Variants in ZNF845 observed in about 807,000 individuals in gnomAD.
The protein encoded by ZNF845 is zinc finger protein 845.
ZNF845 carries 59 observed loss-of-function variants against 76.1 expected under a neutral mutation model. That is an observed-to-expected ratio of 0.78 (90% CI 0.63 to 0.96). The LOEUF is 0.96. ZNF845 is among the 40% of genes least tolerant of loss of function. ZNF845 has a pLI of 0.00. For missense variants in ZNF845, 1,045 were observed against 1,172.8 expected, an observed-to-expected ratio of 0.89 and a Z score of 1.59; for synonymous variants, 361 against 386.9, an observed-to-expected ratio of 0.93 and a Z score of 0.78.
intron 3 of ZNF845, among the ~76,000 whole-genome samples, chr19:53,350,557 T>G (rs188461407): frequency 4.6e-5 from 7 of 152,348 alleles, no homozygotes; most frequent in Admixed American, 6.5e-5. Flanking sequence ...GGAAAAATAC[T>G]CCTTACTTTA....
At chr19:53,345,855 G>GTT (rs374069306) in intron 3 of ZNF845, among the ~76,000 whole-genome samples, 24 of 135,434 alleles carry the variant, frequency 1.8e-4, no homozygotes, top group Non-Finnish European at 2.3e-4. Context: ...TACTTTTTTA[G>GTT]TTTTTTTTTT....
At chr19:53,340,881 T>C (rs901854409) in intron 1 of ZNF845, 11 of 382,080 alleles carry the variant, frequency 2.9e-5, no homozygotes, top group East Asian at 2.6e-4. Flanking sequence ...AAGGCGTTCA[T>C]GTGGGCTGTC....
chr19:53,351,986 A>T lies in ZNF845; in HGVS notation c.1311A>T (p.Lys437Asn). ...VYHRRLHTGE[K>N]PYKCEECDEA... ...ATCGTAGACTTCATACTGGAGAGAAACCTTACAAATGTGAAGAATGTGATG... is the reference window on the plus strand; with the variant it reads ...ATCGTAGACTTCATACTGGAGAGAATCCTTACAAATGTGAAGAATGTGATG... The change falls in exon 4 of 4, where the codon AAA (lysine) becomes AAT (asparagine). Residue 437 changes from lysine (K) to asparagine (N), a missense_variant. Physicochemically the swap from Lys to Asn is moderately conservative, Grantham distance 94 (BLOSUM62 0). Coordinates refer to ENST00000458035, the MANE Select transcript of ZNF845 (RefSeq NM_138374.3). 6.2e-7 allele frequency: 1 copy of T among 1,614,082 alleles called. No homozygotes were observed.
At chr19:53,346,322 A>G in intron 3 of ZNF845, 1 of 405,882 alleles carries the variant, frequency 2.5e-6, no homozygotes, top group South Asian at 1.7e-5. Flanking sequence ...ATGGAGTCTC[A>G]CTCTGTCGCC....
In ZNF845 at chr19:53,351,543, C is replaced by A; in HGVS notation, c.868C>A (p.His290Asn). The change falls in exon 4 of 4, where the codon CAT becomes AAT. Residue 290 changes from histidine (H) to asparagine (N), a missense_variant. His to Asn is a moderately conservative substitution (Grantham distance 68). Coordinates refer to ENST00000458035, the MANE Select transcript of ZNF845 (RefSeq NM_138374.3). ...TCAGGAGTTAACCCTTACATGCCAT[C>A]ATAGACTTCATACTGGAGAGAAACA... is the stretch of plus-strand genomic sequence containing the variant. ...FSQELTLTCH[H>N]RLHTGEKHYK... The A allele has an allele frequency of 6.2e-7, 1 of 1,614,138 alleles. No homozygotes were observed. Among genetic ancestry groups the A allele is most frequent in the Non-Finnish European group, 8.5e-7 (1 of 1,179,986 alleles).
rs2085347552 is a variant in ZNF845 at position 53,352,478 on chromosome 19, T to C, written c.1803T>C (p.His601=). ...ATTIANHWRI[H]NEERSYKCNR... ...CCATTGCAAATCATTGGAGAATCCA[T>C]AATGAAGAGAGATCGTACAAGTGTA... The change falls in exon 4 of 4, where the codon CAT becomes CAC. Residue 601 remains histidine, a synonymous_variant. Transcript: ENST00000458035. 6.2e-7 allele frequency: 1 copy of C among 1,613,228 alleles called. No homozygotes were observed. The highest frequency in any genetic ancestry group is 8.5e-7 in the Non-Finnish European group (1 of 1,179,504).
intron 3 of ZNF845, chr19:53,346,458 A>G (rs1335792708): frequency 1.5e-5 from 5 of 339,614 alleles, no homozygotes; most frequent in African/African-American, 4.4e-5. Context: ...AGGCAGGCAA[A>G]TCACCTGAGG....
At chr19:53,348,151 A>G (rs1301490089) in intron 3 of ZNF845, among the ~76,000 whole-genome samples, 1 of 152,168 alleles carries the variant, frequency 6.6e-6, no homozygotes, top group Non-Finnish European at 1.5e-5. Flanking sequence ...ACATTGTGCC[A>G]CTTCACTCCA....
At position 53,353,362 on chromosome 19, in the gene ZNF845, T is replaced by G. The variant is rs1387781891; in HGVS notation, c.2687T>G (p.Phe896Cys). 2 of 1,612,740 alleles carry G rather than the reference T, an allele frequency of 1.2e-6. No individual in the cohort carries two copies. The highest frequency in any genetic ancestry group is 2.7e-5 in the African/African-American group (2 of 74,486). Reference sequence around the variant, plus strand: ...AAGTGTAATAAATGTGGTAAGGTTTTTAATCAACAAGCACACCTTGCATGT... The same window carrying G: ...AAGTGTAATAAATGTGGTAAGGTTTGTAATCAACAAGCACACCTTGCATGT... ...PYKCNKCGKV[F>C]NQQAHLACHH... is the part of the protein sequence containing the mutation. Residue 896 changes from phenylalanine (F) to cysteine (C), a missense_variant, in exon 4 of 4, where the codon TTT (phenylalanine) becomes TGT (cysteine). Transcript: ENST00000458035.
chr19:53,350,344 A>G (rs539961878), intron 3 of ZNF845, among the ~76,000 whole-genome samples: 1 of 152,272 alleles, frequency 6.6e-6, no homozygotes, highest in Admixed American at 6.5e-5. Context: ...TGATTGTTTG[A>G]CAATACAGAA....
chr19:53,344,183 TC>T (rs1045065168), intron 2 of ZNF845, among the ~76,000 whole-genome samples: 1 of 152,114 alleles, frequency 6.6e-6, no homozygotes, highest in African/African-American at 2.4e-5. Flanking sequence ...GACGTTGTCA[TC>T]TCTGAAGACA....
chr19:53,350,160 A>G (rs1265660341), intron 3 of ZNF845, among the ~76,000 whole-genome samples: 4 of 40,508 alleles, frequency 9.9e-5, no homozygotes, highest in Admixed American at 4.3e-4. Context: ...TTTTTTCGAG[A>G]TGGACTCTTG....
At chr19:53,344,639 T>TG (rs58727657) in intron 2 of ZNF845, among the ~76,000 whole-genome samples, 3 of 150,670 alleles carry the variant, frequency 2.0e-5, no homozygotes, top group Non-Finnish European at 4.4e-5. Context: ...TTTTATTTTA[T>TG]TTTATTTTGG....
chr19:53,344,462 T>C, intron 2 of ZNF845, among the ~76,000 whole-genome samples: 1 of 152,054 alleles, frequency 6.6e-6, no homozygotes, highest in East Asian at 1.9e-4. Flanking sequence ...CACTTGATCC[T>C]GGGAGGTGGA....
intron 3 of ZNF845, among the ~76,000 whole-genome samples, chr19:53,349,904 G>T (rs2085321878): frequency 6.6e-6 from 1 of 151,996 alleles, no homozygotes; most frequent in South Asian, 2.1e-4. Flanking sequence ...GCATGGTGAT[G>T]CATGCCTTTA....
At position 53,356,759 on chromosome 19, in the gene ZNF845, C is replaced by G. The variant is rs889565914; in HGVS notation, c.*3171C>G. The G allele has an allele frequency of 3.3e-5, 5 of 151,750 alleles. No homozygotes were observed. The highest frequency in any genetic ancestry group is 7.3e-5 in the African/African-American group (3 of 41,276). The allele number at this position is 151,750 out of a possible 1,614,324, so 9.4% of individuals were successfully genotyped here. On this transcript the variant is annotated 3_prime_UTR_variant, in exon 4 of 4. Transcript: ENST00000458035. ...CCTGGCTAACACGGTGAAACCCCGT[C>G]TCTACTAAAAATACAAAAAATTAGC... is the stretch of plus-strand genomic sequence containing the variant.
At chr19:53,339,795 C>A (rs1182466870) in intron 1 of ZNF845, among the ~76,000 whole-genome samples, 1 of 152,202 alleles carries the variant, frequency 6.6e-6, no homozygotes, top group East Asian at 1.9e-4. Flanking sequence ...ATAGTATATG[C>A]CAGGGGACAC....
chr19:53,344,403 T>C (rs1201240721), intron 2 of ZNF845, among the ~76,000 whole-genome samples: 1 of 151,912 alleles, frequency 6.6e-6, no homozygotes, highest in African/African-American at 2.4e-5. Flanking sequence ...CTAAGAATAG[T>C]GGTGCATGCC....
chr19:53,339,970 AC>A (rs2085244550), intron 1 of ZNF845, among the ~76,000 whole-genome samples: 2 of 151,778 alleles, frequency 1.3e-5, no homozygotes, highest in South Asian at 4.2e-4. Context: ...GCAACCTCCA[AC>A]CTCTGGGTTC....
Sources: allele counts gnomAD v4.1 joint callset (sites outside exome capture counted in the v4.1 genomes callset), GRCh38; gene constraint gnomAD v4.1.1; transcripts MANE v1.5; gene names NCBI Gene and HGNC (gene_info 2026-07-23, HGNC 2026-07-21).